The following GALM variants were observed in gnomAD, a reference collection of about 807,000 sequenced individuals.
GALM encodes aldose 1-epimerase.
Under a neutral mutation model 37.4 loss-of-function variants are expected in GALM, and 43 were observed. That is an observed-to-expected ratio of 1.15 (90% CI 0.90 to 1.48). GALM has a LOEUF of 1.48. GALM is among the 40% of genes most tolerant of loss of function. GALM has a pLI of 0.00. For synonymous variants in GALM, 199 were observed against 170.6 expected (o/e 1.17, Z -1.30); for missense variants, 456 against 419.1 (o/e 1.09, Z -0.77).
intron 4 of GALM, among the ~76,000 whole-genome samples, chr2:38,703,811 G>A (rs1286772921): frequency 1.3e-5 from 2 of 151,952 alleles, no homozygotes; most frequent in African/African-American, 4.8e-5. Context: ...TCAGGAGTTC[G>A]AGACCAGCCT....
At chr2:38,695,565 G>C (rs1452518078) in intron 4 of GALM, among the ~76,000 whole-genome samples, 1 of 152,210 alleles carries the variant, frequency 6.6e-6, no homozygotes, top group African/African-American at 2.4e-5. Context: ...CTCTAAAACA[G>C]CTTTGGCCTT....
At chr2:38,680,114 G>A in intron 2 of GALM, 1 of 449,262 alleles carries the variant, frequency 2.2e-6, no homozygotes, top group Non-Finnish European at 4.5e-6. Flanking sequence ...AACCTCCTGG[G>A]CTCAAGCGAT....
At position 38,700,645 on chromosome 2, in the gene GALM, A is replaced by T. The variant is rs957617759; in HGVS notation, c.634+10751A>T. ...AGATGAAGTGAGTTTCTTGTAGGCA[A>T]CCGTAGTTGGGCCATGTTTTTTAAT... On this transcript the variant is annotated intron_variant, in intron 4 of 6. Coordinates refer to ENST00000272252, the MANE Select transcript of GALM (RefSeq NM_138801.3). 2.0e-5 allele frequency among the ~76,000 whole-genome samples: 3 copies of T among 152,082 alleles called. No homozygotes were observed. In the East Asian group the frequency reaches 5.8e-4, roughly 29 times the overall value.
intron 4 of GALM, among the ~76,000 whole-genome samples, chr2:38,694,468 AGTTT>A (rs1558585454): frequency 6.6e-6 from 1 of 152,060 alleles, no homozygotes; most frequent in Admixed American, 6.6e-5. Context: ...CAGGAAACCA[AGTTT>A]GTTTAAATTA....
chr2:38,705,908 C>T (rs1666025579), intron 4 of GALM, among the ~76,000 whole-genome samples: 1 of 152,000 alleles, frequency 6.6e-6, no homozygotes, highest in East Asian at 1.9e-4. Flanking sequence ...CGCAACCTCC[C>T]CCTCCGGGTT....
intron 4 of GALM, among the ~76,000 whole-genome samples, chr2:38,725,869 G>A (rs1288583498): frequency 3.3e-5 from 5 of 151,902 alleles, no homozygotes; most frequent in African/African-American, 1.2e-4. Context: ...GCGCCACCAC[G>A]CCTGGCTAAT....
chr2:38,688,006 G>A (rs557765967), intron 3 of GALM, among the ~76,000 whole-genome samples: 14 of 152,068 alleles, frequency 9.2e-5, no homozygotes, highest in African/African-American at 2.9e-4. Flanking sequence ...GAGGTCAGGA[G>A]TTTAAGACTA....
At chr2:38,703,604 C>G (rs1449617584) in intron 4 of GALM, among the ~76,000 whole-genome samples, 1 of 152,122 alleles carries the variant, frequency 6.6e-6, no homozygotes, top group African/African-American at 2.4e-5. Context: ...ATTTCTTACA[C>G]CCTGATTCAA....
At chr2:38,712,777 C>T (rs182434377) in intron 4 of GALM, among the ~76,000 whole-genome samples, 4 of 152,228 alleles carry the variant, frequency 2.6e-5, no homozygotes, top group Non-Finnish European at 4.4e-5. Flanking sequence ...CTCATCAGAG[C>T]GGAGGCTGGG....
chr2:38,733,283 C>A (rs1356057738), intron 6 of GALM, among the ~76,000 whole-genome samples: 1 of 151,392 alleles, frequency 6.6e-6, no homozygotes, highest in African/African-American at 2.4e-5. Flanking sequence ...TGCTTCCCTT[C>A]ATCAGGAAAG....
At chr2:38,669,477 G>C (rs1457538997) in intron 1 of GALM, 1 of 152,252 alleles carries the variant, frequency 6.6e-6, no homozygotes, top group East Asian at 1.9e-4. Context: ...TGAGACGCAA[G>C]TCTGCCTTCT....
intron 1 of GALM, among the ~76,000 whole-genome samples, chr2:38,673,323 G>A (rs556075646): frequency 3.9e-4 from 60 of 152,262 alleles, no homozygotes; most frequent in African/African-American, 1.4e-3. Context: ...GGAATTCAGA[G>A]GACATCTAAG....
chr2:38,705,272 G>C (rs1572531493), intron 4 of GALM, among the ~76,000 whole-genome samples: 1 of 152,178 alleles, frequency 6.6e-6, no homozygotes, highest in African/African-American at 2.4e-5. Flanking sequence ...TAGTGGGACT[G>C]TGGGCCTTGG....
intron 4 of GALM, among the ~76,000 whole-genome samples, chr2:38,712,758 G>A (rs1253968369): frequency 6.6e-6 from 1 of 152,194 alleles, no homozygotes; most frequent in Non-Finnish European, 1.5e-5. Context: ...AGGAGCGCAG[G>A]ACAGCAATCT....
chr2:38,701,338 T>G (rs182192810), intron 4 of GALM, among the ~76,000 whole-genome samples: 37 of 150,032 alleles, frequency 2.5e-4, no homozygotes, highest in Admixed American at 7.3e-4. Flanking sequence ...CAGCACACAG[T>G]TTTTTTTTTC....
At chr2:38,679,903 G>A (rs1002010631) in intron 2 of GALM, among the ~76,000 whole-genome samples, 2 of 152,262 alleles carry the variant, frequency 1.3e-5, no homozygotes, top group African/African-American at 2.4e-5. Context: ...ATAAGTGTTC[G>A]TTTTCCCTTC....
chr2:38,702,299 C>T (rs537354534), intron 4 of GALM, among the ~76,000 whole-genome samples: 9 of 152,042 alleles, frequency 5.9e-5, no homozygotes, highest in South Asian at 2.1e-4. Context: ...CTCAGGCCTC[C>T]CCAAAACCAT....
At chr2:38,709,662 G>A (rs1307193543) in intron 4 of GALM, among the ~76,000 whole-genome samples, 2 of 152,104 alleles carry the variant, frequency 1.3e-5, no homozygotes, top group Non-Finnish European at 2.9e-5. Flanking sequence ...AAGCTTTGAT[G>A]TTGTGTGATC....
chr2:38,727,221 A>G (rs1666505036), intron 4 of GALM, among the ~76,000 whole-genome samples: 1 of 150,186 alleles, frequency 6.7e-6, no homozygotes, highest in South Asian at 2.1e-4. Context: ...GTCTCAAGAA[A>G]AAAAAAAAAA....
Sources: gnomAD v4.1 joint callset for allele counts (sites outside exome capture counted in the v4.1 genomes callset) on GRCh38, gnomAD v4.1.1 for gene constraint, MANE v1.5 for transcripts, NCBI Gene and HGNC (gene_info 2026-07-23, HGNC 2026-07-21) for gene names.